The following PRKN variants were observed in gnomAD, a reference collection of about 807,000 sequenced individuals.
PRKN encodes the protein E3 ubiquitin-protein ligase parkin.
In PRKN, 56 loss-of-function variants were observed where a neutral mutation model predicts 59.5. That is an observed-to-expected ratio of 0.94 (90% CI 0.76 to 1.18). PRKN has a LOEUF of 1.18. Ranked by LOEUF, PRKN falls within the 50% of genes most tolerant of loss-of-function variation. The pLI is 0.00. For missense variants in PRKN, 657 were observed against 596.4 expected, an observed-to-expected ratio of 1.10 and a Z score of -1.06; for synonymous variants, 250 against 222.1, an observed-to-expected ratio of 1.13 and a Z score of -1.12.
At chr6:162,269,344 C>T (rs1015053809) in intron 2 of PRKN, among the ~76,000 whole-genome samples, 1 of 152,172 alleles carries the variant, frequency 6.6e-6, no homozygotes, top group Non-Finnish European at 1.5e-5. Flanking sequence ...CTCTATGATC[C>T]TTTAAGCACA....
At chr6:162,286,456 C>A (rs1244644830) in intron 2 of PRKN, among the ~76,000 whole-genome samples, 1 of 152,202 alleles carries the variant, frequency 6.6e-6, no homozygotes, top group Non-Finnish European at 1.5e-5. Flanking sequence ...ACATTTCCAA[C>A]TCATTTTCAT....
intron 4 of PRKN, among the ~76,000 whole-genome samples, chr6:162,088,274 A>C (rs1334663240): frequency 6.6e-6 from 1 of 152,212 alleles, no homozygotes; most frequent in Non-Finnish European, 1.5e-5. Flanking sequence ...CAAAGGGGTG[A>C]GAGCTAGGGT....
chr6:161,678,119 C>G (rs1191577292), intron 7 of PRKN, among the ~76,000 whole-genome samples: 1 of 148,308 alleles, frequency 6.7e-6, no homozygotes, highest in East Asian at 2.0e-4. Flanking sequence ...TTAAAATACT[C>G]TTACTCTTTA....
intron 7 of PRKN, among the ~76,000 whole-genome samples, chr6:161,757,632 G>A (rs1788982255): frequency 6.6e-6 from 1 of 151,944 alleles, no homozygotes; most frequent in Non-Finnish European, 1.5e-5. Flanking sequence ...GAGGTCAGGT[G>A]TTCAAGACCA....
chr6:161,365,661 C>A (rs534324288), intron 10 of PRKN, among the ~76,000 whole-genome samples: 4 of 152,266 alleles, frequency 2.6e-5, no homozygotes, highest in Non-Finnish European at 4.4e-5. Flanking sequence ...TCTCTGACTT[C>A]CGATCCCCCG....
intron 7 of PRKN, among the ~76,000 whole-genome samples, chr6:161,784,995 A>G (rs1790355487): frequency 6.6e-6 from 1 of 152,236 alleles, no homozygotes; most frequent in African/African-American, 2.4e-5. Flanking sequence ...GCTAAGTGAA[A>G]TAAGGCAGAC....
chr6:162,519,097 G>T (rs1777981767), intron 1 of PRKN, among the ~76,000 whole-genome samples: 1 of 152,086 alleles, frequency 6.6e-6, no homozygotes, highest in African/African-American at 2.4e-5. Context: ...TTGAACCCGG[G>T]AGGCGGAAGT....
At chr6:162,453,555 A>G (rs1364489185) in intron 1 of PRKN, among the ~76,000 whole-genome samples, 2 of 152,126 alleles carry the variant, frequency 1.3e-5, no homozygotes, top group African/African-American at 4.8e-5. Flanking sequence ...CCAACTATGT[A>G]AGCATGTCAC....
chr6:161,839,680 A>G (rs1270668661), intron 6 of PRKN, among the ~76,000 whole-genome samples: 1 of 152,164 alleles, frequency 6.6e-6, no homozygotes, highest in East Asian at 1.9e-4. Context: ...AATTTCAGAA[A>G]TTAATTTGAA....
chr6:161,952,786 G>C (rs527417560), intron 6 of PRKN, among the ~76,000 whole-genome samples: 4 of 152,292 alleles, frequency 2.6e-5, no homozygotes, highest in Admixed American at 2.0e-4. Flanking sequence ...TGAGGTATTA[G>C]ATGATTTGCT....
chr6:162,526,191 A>G (rs1392116142), intron 1 of PRKN, among the ~76,000 whole-genome samples: 1 of 151,898 alleles, frequency 6.6e-6, no homozygotes, highest in Non-Finnish European at 1.5e-5. Context: ...GTAGATGACA[A>G]ACTATCGGAG....
At chr6:162,106,713 C>T (rs1005619062) in intron 4 of PRKN, among the ~76,000 whole-genome samples, 1 of 152,150 alleles carries the variant, frequency 6.6e-6, no homozygotes, top group Non-Finnish European at 1.5e-5. Context: ...CATTCACATT[C>T]GAAATAGAGC....
intron 7 of PRKN, among the ~76,000 whole-genome samples, chr6:161,650,231 A>G (rs533423237): frequency 6.6e-6 from 1 of 152,310 alleles, no homozygotes; most frequent in African/African-American, 2.4e-5. Flanking sequence ...GCTGTGGTAT[A>G]GTTTTTTACT....
chr6:161,591,541 T>G (rs1156939281), intron 7 of PRKN, among the ~76,000 whole-genome samples: 1 of 152,232 alleles, frequency 6.6e-6, no homozygotes, highest in Non-Finnish European at 1.5e-5. Flanking sequence ...TTGCCTTGTT[T>G]TTTGTTTTTT....
chr6:162,489,228 T>G (rs1028319421), intron 1 of PRKN, among the ~76,000 whole-genome samples: 30 of 152,190 alleles, frequency 2.0e-4, no homozygotes, highest in African/African-American at 7.0e-4. Context: ...GCACAAAAAT[T>G]CAGTTAATCT....
chr6:161,884,422 T>C (rs1292254524), intron 6 of PRKN, among the ~76,000 whole-genome samples: 1 of 152,230 alleles, frequency 6.6e-6, no homozygotes, highest in African/African-American at 2.4e-5. Context: ...AAGATTCTAC[T>C]ATGACATATT....
intron 5 of PRKN, among the ~76,000 whole-genome samples, chr6:161,978,758 G>A (rs1198709155): frequency 5.9e-5 from 9 of 152,272 alleles, no homozygotes; most frequent in Admixed American, 2.0e-4. Context: ...TGTGCTGAGC[G>A]ACAGTGGTTA....
chr6:161,806,137 A>G (rs1791309573), intron 6 of PRKN, among the ~76,000 whole-genome samples: 2 of 152,170 alleles, frequency 1.3e-5, no homozygotes, highest in Admixed American at 1.3e-4. Flanking sequence ...CTGATGATCA[A>G]CGTGATTGGT....
intron 4 of PRKN, among the ~76,000 whole-genome samples, chr6:162,179,052 A>G (rs1583158971): frequency 6.6e-6 from 1 of 152,046 alleles, no homozygotes; most frequent in Non-Finnish European, 1.5e-5. Context: ...CTAATTTTTA[A>G]AATTTTTTTC....
Sources: gnomAD v4.1 joint callset for allele counts (sites outside exome capture counted in the v4.1 genomes callset) on GRCh38, gnomAD v4.1.1 for gene constraint, MANE v1.5 for transcripts, NCBI Gene and HGNC (gene_info 2026-07-23, HGNC 2026-07-21) for gene names.